The following TRIQK variants were observed in gnomAD, a reference collection of about 807,000 sequenced individuals.
TRIQK encodes the protein triple QxxK/R motif-containing protein.
In TRIQK, 10 loss-of-function variants were observed where a neutral mutation model predicts 10.8. The ratio of observed to expected loss-of-function variants is 0.92; its 90% CI spans 0.57 to 1.57. TRIQK has a LOEUF of 1.57. Ranked by LOEUF, TRIQK falls within the 40% of genes most tolerant of loss-of-function variation. The pLI is 0.00. For synonymous variants in TRIQK, 33 were observed against 33.7 expected (o/e 0.98, Z 0.07); for missense variants, 107 against 97.7 (o/e 1.09, Z -0.40).
intron 2 of TRIQK, among the ~76,000 whole-genome samples, chr8:92,931,845 A>T (rs952459037): frequency 6.6e-6 from 1 of 152,182 alleles, no homozygotes; most frequent in Non-Finnish European, 1.5e-5. Context: ...CATACACCAT[A>T]GCTCAGTTAG....
chr8:92,888,758 T>C (rs1816610082), intron 4 of TRIQK, among the ~76,000 whole-genome samples: 1 of 151,594 alleles, frequency 6.6e-6, no homozygotes, highest in Non-Finnish European at 1.5e-5. Context: ...GGGCAGGATC[T>C]GGTTGGCACT....
chr8:93,017,226 A>G (rs1049527546), intron 1 of TRIQK, among the ~76,000 whole-genome samples: 1 of 151,800 alleles, frequency 6.6e-6, no homozygotes, highest in Non-Finnish European at 1.5e-5. Flanking sequence ...AGAGTGGAAG[A>G]TAAATAAGAC....
At chr8:92,931,395 C>T (rs996823644) in intron 2 of TRIQK, among the ~76,000 whole-genome samples, 21 of 152,100 alleles carry the variant, frequency 1.4e-4, no homozygotes, top group Non-Finnish European at 2.6e-4. Flanking sequence ...TTCTGAGTCT[C>T]TACATGCATG....
Position 92,916,946 on chromosome 8 carries a change from T to C in TRIQK, c.44A>G (p.Gln15Arg). 1 of 1,503,360 alleles carries C rather than the reference T, an allele frequency of 6.7e-7. No homozygotes were observed. Among genetic ancestry groups the C allele is most frequent in the Non-Finnish European group, 8.8e-7 (1 of 1,131,936 alleles). 93.1% of individuals were successfully genotyped at this position (1,503,360 alleles called of 1,614,324 possible). A position where few individuals can be genotyped will look rare whatever the true frequency, so the allele number is the denominator to read the frequency against. Residue 15 changes from glutamine to arginine, a missense_variant, in exon 3 of 5, where the codon CAG becomes CGG. Coordinates refer to ENST00000521988, the MANE Select transcript of TRIQK (RefSeq NM_001171797.2). ...TTGCTTACCAATTTGTTTTCTGTACTGATCAACAGGAAGTTTTATAGTAGC... is the reference window on the plus strand; with the variant it reads ...TTGCTTACCAATTTGTTTTCTGTACCGATCAACAGGAAGTTTTATAGTAGC... ...DAATIKLPVD[Q>R]YRKQIGKQDY... is the part of the protein sequence containing the mutation.
At chr8:92,946,414 T>C (rs1197216950) in intron 2 of TRIQK, among the ~76,000 whole-genome samples, 1 of 152,164 alleles carries the variant, frequency 6.6e-6, no homozygotes, top group Admixed American at 6.5e-5. Context: ...GAGTCCAGTT[T>C]TCATACCATC....
intron 3 of TRIQK, among the ~76,000 whole-genome samples, chr8:92,901,299 A>G (rs1328936112): frequency 6.6e-6 from 1 of 152,086 alleles, no homozygotes; most frequent in African/African-American, 2.4e-5. Flanking sequence ...CGGGGGTGGA[A>G]AGTGAGCAGT....
intron 3 of TRIQK, among the ~76,000 whole-genome samples, chr8:92,892,609 T>TTCTTTTATTTCC (rs1046362505): frequency 6.6e-6 from 1 of 151,990 alleles, no homozygotes; most frequent in African/African-American, 2.4e-5. Flanking sequence ...AGAAAAATAT[T>TTCTTTTATTTCC]TCTTTTATTT....
chr8:92,963,914 G>A (rs987102153), intron 1 of TRIQK: 1 of 151,056 alleles, frequency 6.6e-6, no homozygotes, highest in African/African-American at 2.4e-5. Context: ...AAAAAATACA[G>A]TTTCACATTT....
At position 92,892,086 on chromosome 8, in the gene TRIQK, T is replaced by G. The variant is rs374942041; in HGVS notation, c.62-12A>C. The G allele has an allele frequency of 3.4e-6, 5 of 1,468,268 alleles. No homozygotes were observed. In the Admixed American group the frequency reaches 6.0e-5, roughly 18 times the overall value. The allele number at this position is 1,468,268 out of a possible 1,614,324, so 91.0% of individuals were successfully genotyped here. On this transcript the variant is annotated splice_polypyrimidine_tract_variant and intron_variant, in intron 3 of 4. Coordinates refer to ENST00000521988, the MANE Select transcript of TRIQK (RefSeq NM_001171797.2). ...ATAATCCTGTTTACCTAGAAAGAAATAGTTTCAGACAATGAGTTATGCTCA... is the reference window on the plus strand; with the variant it reads ...ATAATCCTGTTTACCTAGAAAGAAAGAGTTTCAGACAATGAGTTATGCTCA...
intron 2 of TRIQK, among the ~76,000 whole-genome samples, chr8:92,946,842 G>C (rs1160195587): frequency 2.6e-5 from 4 of 151,036 alleles, no homozygotes; most frequent in East Asian, 2.0e-4. Flanking sequence ...CTCACTGCGA[G>C]CTCCGCCTGC....
chr8:92,899,666 GT>G (rs1808814283), intron 3 of TRIQK, among the ~76,000 whole-genome samples: 1 of 152,170 alleles, frequency 6.6e-6, no homozygotes, highest in Admixed American at 6.6e-5. Flanking sequence ...GGACACTTAG[GT>G]TGCTTCTGAA....
intron 3 of TRIQK, among the ~76,000 whole-genome samples, chr8:92,911,594 G>C (rs1017790989): frequency 3.3e-5 from 5 of 151,388 alleles, no homozygotes; most frequent in African/African-American, 1.2e-4. Context: ...GATATTCCAT[G>C]CAAATCGTAA....
At chr8:92,964,317 C>A (rs1812618311) in intron 1 of TRIQK, among the ~76,000 whole-genome samples, 1 of 151,870 alleles carries the variant, frequency 6.6e-6, no homozygotes, top group African/African-American at 2.4e-5. Context: ...AAAACAGGGT[C>A]CATTTAGGCT....
intron 1 of TRIQK, among the ~76,000 whole-genome samples, chr8:93,004,473 T>C (rs1222376741): frequency 6.6e-6 from 1 of 152,232 alleles, no homozygotes; most frequent in African/African-American, 2.4e-5. Flanking sequence ...CAAAGGTCTG[T>C]GAAATGCCCT....
At chr8:92,966,251 A>C (rs1812746111), upstream of TRIQK, 2 of 152,290 alleles carry the variant, frequency 1.3e-5, no homozygotes, top group Non-Finnish European at 2.9e-5. Flanking sequence ...GCTGGCCCTG[A>C]GGCCTTTCCC....
At position 93,007,467 on chromosome 8, in the gene TRIQK, C is replaced by T. The variant is rs566958023; in HGVS notation, c.-181+10142G>A. Among the ~76,000 whole-genome samples, 8 of 152,278 alleles carry T rather than the reference C, an allele frequency of 5.3e-5. No homozygotes were observed. The South Asian group carries it at 1.5e-3, about 28-fold the overall frequency. On this transcript the variant is annotated intron_variant, in intron 1 of 4. Coordinates refer to the TRIQK transcript ENST00000520686. Reference sequence around the variant, plus strand: ...ACTGAAAACTCAAAAAGCCAGAGTGCCTCTTCTCCAAATGATCGCAATACC... The same window carrying T: ...ACTGAAAACTCAAAAAGCCAGAGTGTCTCTTCTCCAAATGATCGCAATACC...
At chr8:92,984,140 T>C (rs1813010888) in intron 1 of TRIQK, among the ~76,000 whole-genome samples, 1 of 152,114 alleles carries the variant, frequency 6.6e-6, no homozygotes, top group Non-Finnish European at 1.5e-5. Context: ...AAATATACTA[T>C]AATACTGACT....
intron 1 of TRIQK, among the ~76,000 whole-genome samples, chr8:92,975,554 T>G (rs1257190756): frequency 1.3e-5 from 2 of 152,178 alleles, no homozygotes; most frequent in African/African-American, 2.4e-5. Context: ...TTTCTGGTAG[T>G]GGCAGTTTGT....
At chr8:93,005,154 A>C (rs1467874582) in intron 1 of TRIQK, among the ~76,000 whole-genome samples, 1 of 152,228 alleles carries the variant, frequency 6.6e-6, no homozygotes. Context: ...TTATGAAGAA[A>C]AGAGGTTTAA....
Sources: allele counts gnomAD v4.1 joint callset (sites outside exome capture counted in the v4.1 genomes callset), GRCh38; gene constraint gnomAD v4.1.1; transcripts MANE v1.5; gene names NCBI Gene and HGNC (gene_info 2026-07-23, HGNC 2026-07-21).